Variants in PCDH15 observed in about 807,000 individuals in gnomAD.
PCDH15 encodes protocadherin-15.
PCDH15 carries 129 observed loss-of-function variants against 178.5 expected under a neutral mutation model. That is an observed-to-expected ratio of 0.72 (90% CI 0.63 to 0.84). The LOEUF (loss-of-function observed/expected upper bound fraction) is 0.84. PCDH15 is among the 40% of genes least tolerant of loss of function. PCDH15 has a pLI of 0.00. For missense variants in PCDH15, 2,230 were observed against 2,099.9 expected, an observed-to-expected ratio of 1.06 and a Z score of -1.21; for synonymous variants, 800 against 732.0, an observed-to-expected ratio of 1.09 and a Z score of -1.50.
At chr10:55,338,273 A>G (rs1844452802) in intron 2 of PCDH15, among the ~76,000 whole-genome samples, 1 of 152,150 alleles carries the variant, frequency 6.6e-6, no homozygotes, top group African/African-American at 2.4e-5. Context: ...AAATTACCAT[A>G]TGATCCAGCA....
intron 3 of PCDH15, among the ~76,000 whole-genome samples, chr10:54,504,175 A>G (rs1247300359): frequency 3.9e-5 from 6 of 152,118 alleles, no homozygotes; most frequent in African/African-American, 9.7e-5. Context: ...TATTTCTTGG[A>G]TGTGACTTGG....
intron 1 of PCDH15, among the ~76,000 whole-genome samples, chr10:55,175,591 G>A (rs555787381): frequency 1.2e-4 from 18 of 148,478 alleles, no homozygotes; most frequent in East Asian, 9.9e-4. Flanking sequence ...ACTTTAACCC[G>A]GGAGGCAGAG....
chr10:55,214,328 C>CT (rs1840645307), intron 1 of PCDH15, among the ~76,000 whole-genome samples: 1 of 65,268 alleles, frequency 1.5e-5, no homozygotes, highest in Non-Finnish European at 2.9e-5. Flanking sequence ...TTTTCATAGA[C>CT]TAACTACTGA....
At chr10:54,999,744 A>G (rs1839752902) in intron 2 of PCDH15, among the ~76,000 whole-genome samples, 1 of 152,200 alleles carries the variant, frequency 6.6e-6, no homozygotes, top group Admixed American at 6.5e-5. Context: ...TTCACCCCCG[A>G]TATTTCACGT....
At chr10:55,301,744 C>A (rs1478087852) in intron 1 of PCDH15, among the ~76,000 whole-genome samples, 1 of 151,996 alleles carries the variant, frequency 6.6e-6, no homozygotes, top group Non-Finnish European at 1.5e-5. Flanking sequence ...AGTCCATGAT[C>A]CAGTTTGAGT....
At chr10:55,515,829 C>T (rs1178936953) in intron 2 of PCDH15, among the ~76,000 whole-genome samples, 3 of 152,160 alleles carry the variant, frequency 2.0e-5, no homozygotes, top group East Asian at 1.9e-4. Flanking sequence ...ACATTCAAGC[C>T]TTTGTGGATT....
chr10:54,984,213 G>A (rs184168511), intron 2 of PCDH15, among the ~76,000 whole-genome samples: 6 of 152,192 alleles, frequency 3.9e-5, no homozygotes, highest in Admixed American at 3.9e-4. Flanking sequence ...CTGCCCTCTT[G>A]TCTCTACCCC....
At chr10:55,142,730 T>C (rs901637775) in intron 2 of PCDH15, among the ~76,000 whole-genome samples, 1 of 151,382 alleles carries the variant, frequency 6.6e-6, no homozygotes, top group African/African-American at 2.4e-5. Flanking sequence ...TGAATAAAAC[T>C]CAGGTTCAGC....
chr10:54,474,902 A>G lies in PCDH15; in HGVS notation c.157+52910T>C, dbSNP rs560033118. On this transcript the variant is annotated intron_variant, in intron 3 of 37. Transcript: ENST00000644397. ...TATCAATACAAATGTTACATAAAACAATTTCTTAAAAGGAATAAAAACTAA... is the reference window on the plus strand; with the variant it reads ...TATCAATACAAATGTTACATAAAACGATTTCTTAAAAGGAATAAAAACTAA... Among the ~76,000 whole-genome samples, 40 of 152,102 alleles carry G rather than the reference A, an allele frequency of 2.6e-4. 1 individual carries two copies. The highest frequency in any genetic ancestry group is 9.1e-4 in the African/African-American group (38 of 41,562).
intron 1 of PCDH15, among the ~76,000 whole-genome samples, chr10:55,171,207 T>G (rs997718628): frequency 2.0e-5 from 3 of 152,322 alleles, no homozygotes; most frequent in South Asian, 2.1e-4. Context: ...ACATCTAATT[T>G]AAGGTCTGTA....
intron 2 of PCDH15, among the ~76,000 whole-genome samples, chr10:55,016,558 A>C (rs932888595): frequency 6.6e-6 from 1 of 152,080 alleles, no homozygotes; most frequent in African/African-American, 2.4e-5. Context: ...AACCATCATA[A>C]ACATTTTTGC....
At chr10:54,096,210 AC>A (rs1342027598) in intron 15 of PCDH15, among the ~76,000 whole-genome samples, 1 of 151,716 alleles carries the variant, frequency 6.6e-6, no homozygotes, top group Non-Finnish European at 1.5e-5. Context: ...GTTTCCCTTC[AC>A]CTGCTTGCTT....
chr10:54,607,600 G>A (rs986996534), intron 2 of PCDH15, among the ~76,000 whole-genome samples: 1 of 152,014 alleles, frequency 6.6e-6, no homozygotes, highest in Non-Finnish European at 1.5e-5. Context: ...GTTAAGAGTA[G>A]AAATCAACCC....
chr10:53,941,756 G>A (rs1484262278), intron 23 of PCDH15, among the ~76,000 whole-genome samples: 1 of 152,144 alleles, frequency 6.6e-6, no homozygotes, highest in Non-Finnish European at 1.5e-5. Flanking sequence ...CAAACTGACT[G>A]TACCATTTTG....
intron 6 of PCDH15, among the ~76,000 whole-genome samples, chr10:54,336,425 A>C (rs143830175): frequency 6.4e-4 from 97 of 152,268 alleles, no homozygotes; most frequent in African/African-American, 2.3e-3. Context: ...AAGCGGTTTC[A>C]TGGGCCAGGT....
At chr10:55,421,854 T>G (rs1462864691) in intron 2 of PCDH15, among the ~76,000 whole-genome samples, 1 of 151,728 alleles carries the variant, frequency 6.6e-6, no homozygotes, top group East Asian at 1.9e-4. Context: ...TTACTTGGGA[T>G]TTATCTATTT....
At chr10:54,902,206 T>C (rs1028245145) in intron 2 of PCDH15, among the ~76,000 whole-genome samples, 1 of 152,222 alleles carries the variant, frequency 6.6e-6, no homozygotes, top group Non-Finnish European at 1.5e-5. Flanking sequence ...TACTTTCATA[T>C]ATTATCATGT....
At chr10:54,300,314 A>G (rs1291960724) in intron 8 of PCDH15, among the ~76,000 whole-genome samples, 2 of 152,184 alleles carry the variant, frequency 1.3e-5, no homozygotes, top group Non-Finnish European at 1.5e-5. Flanking sequence ...GGTAGCAGCC[A>G]TTTTGCAATT....
At chr10:54,205,561 G>C (rs1009221727) in intron 10 of PCDH15, among the ~76,000 whole-genome samples, 34 of 147,922 alleles carry the variant, frequency 2.3e-4, no homozygotes, top group Middle Eastern at 3.5e-3. Flanking sequence ...TGTGCTCCAT[G>C]AATCAATGAA....
Sources: allele counts gnomAD v4.1 joint callset (sites outside exome capture counted in the v4.1 genomes callset), GRCh38; gene constraint gnomAD v4.1.1; transcripts MANE v1.5; gene names NCBI Gene and HGNC (gene_info 2026-07-23, HGNC 2026-07-21).